ADARB2: variants seen among roughly 807,000 people sequenced by gnomAD.
The protein encoded by ADARB2 is adenosine deaminase RNA specific B2 (inactive).
A neutral mutation model predicts 62.2 loss-of-function variants in ADARB2; 25 were observed. The ratio of observed to expected loss-of-function variants is 0.40; its 90% CI spans 0.29 to 0.56. The LOEUF is 0.56. ADARB2 is among the 20% of genes least tolerant of loss of function. The probability of loss-of-function intolerance (pLI) is 0.43; values close to 1 mark genes in which losing one functional copy is unlikely to be tolerated. For synonymous variants in ADARB2, 572 were observed against 500.8 expected (o/e 1.14, Z -1.90); for missense variants, 1,071 against 1,077.4 (o/e 0.99, Z 0.08).
At chr10:1,639,869 AAAAC>A (rs146079232) in intron 1 of ADARB2, among the ~76,000 whole-genome samples, 68,774 of 148,846 alleles carry the variant, frequency 0.46, 16,420 homozygotes, top group Admixed American at 0.56. Flanking sequence ...AAAGCAAAAC[AAAAC>A]AAACAAACAA....
intron 1 of ADARB2, among the ~76,000 whole-genome samples, chr10:1,599,620 T>G (rs1172809227): frequency 6.6e-6 from 1 of 152,190 alleles, no homozygotes; most frequent in Non-Finnish European, 1.5e-5. Flanking sequence ...ACCCTCCCAG[T>G]TGGACTTTAA....
chr10:1,468,669 C>T (rs1831286446), intron 1 of ADARB2, among the ~76,000 whole-genome samples: 2 of 152,220 alleles, frequency 1.3e-5, no homozygotes. Context: ...CAGCAAGCAG[C>T]AGCGCTGTCC....
Position 1,415,613 on chromosome 10 carries a change from A to T in ADARB2, c.101-36453T>A, listed in dbSNP as rs139997006. ...GTATGTGTCATGAAATGATAATTTG[A>T]TTGGCTATTTCTTAGTCATTTCATC... On this transcript the variant is annotated intron_variant, in intron 1 of 9. Coordinates refer to ENST00000381312, the MANE Select transcript of ADARB2 (RefSeq NM_018702.4). Among the ~76,000 whole-genome samples, 26 of 152,358 alleles carry T rather than the reference A, an allele frequency of 1.7e-4. No individual in the cohort carries two copies. In the East Asian group the frequency reaches 3.9e-3, roughly 23 times the overall value.
intron 6 of ADARB2, among the ~76,000 whole-genome samples, chr10:1,224,616 G>A (rs1430263295): frequency 6.6e-6 from 1 of 152,100 alleles, no homozygotes; most frequent in Admixed American, 6.5e-5. Context: ...AGAGATTCTG[G>A]TATGTTGTGT....
chr10:1,695,714 A>G (rs1420394513), intron 1 of ADARB2, among the ~76,000 whole-genome samples: 2 of 152,172 alleles, frequency 1.3e-5, no homozygotes, highest in African/African-American at 2.4e-5. Flanking sequence ...ATGCAAACAT[A>G]CATGTATGTG....
intron 1 of ADARB2, among the ~76,000 whole-genome samples, chr10:1,508,032 C>T (rs953355087): frequency 6.6e-6 from 1 of 152,196 alleles, no homozygotes; most frequent in African/African-American, 2.4e-5. Context: ...GAAACCTCAC[C>T]TTTCTAAATC....
intron 4 of ADARB2, among the ~76,000 whole-genome samples, chr10:1,247,435 T>A (rs1012071031): frequency 2.6e-5 from 4 of 152,244 alleles, no homozygotes; most frequent in Admixed American, 2.6e-4. Flanking sequence ...CTTCCAGTTT[T>A]TGCCCATTCA....
chr10:1,393,761 G>A (rs969184958), intron 1 of ADARB2, among the ~76,000 whole-genome samples: 1 of 152,236 alleles, frequency 6.6e-6, no homozygotes, highest in Non-Finnish European at 1.5e-5. Flanking sequence ...CCTTCCAGAT[G>A]TGAGCGGTGG....
intron 1 of ADARB2, among the ~76,000 whole-genome samples, chr10:1,581,351 G>T (rs1000819041): frequency 4.6e-5 from 7 of 152,264 alleles, no homozygotes; most frequent in Non-Finnish European, 7.3e-5. Flanking sequence ...CTAGGAAGGT[G>T]CTGCCTCTGC....
chr10:1,341,012 C>G (rs910294002), intron 3 of ADARB2, among the ~76,000 whole-genome samples: 2 of 151,264 alleles, frequency 1.3e-5, no homozygotes, highest in Non-Finnish European at 2.9e-5. Context: ...GAACCCTGTG[C>G]CCCACATCGG....
intron 4 of ADARB2, among the ~76,000 whole-genome samples, chr10:1,256,765 C>T (rs1303658365): frequency 6.6e-6 from 1 of 152,140 alleles, no homozygotes; most frequent in Admixed American, 6.5e-5. Flanking sequence ...AGAATGACAA[C>T]AAACGCTTTG....
At chr10:1,703,614 A>G (rs1834852377) in intron 1 of ADARB2, among the ~76,000 whole-genome samples, 3 of 152,232 alleles carry the variant, frequency 2.0e-5, no homozygotes, top group Admixed American at 2.0e-4. Flanking sequence ...CAAATAGGAT[A>G]AAACAGATTA....
chr10:1,319,361 TC>T (rs754522670), intron 3 of ADARB2, among the ~76,000 whole-genome samples: 2 of 152,166 alleles, frequency 1.3e-5, no homozygotes, highest in East Asian at 3.8e-4. Context: ...TTACCAAACT[TC>T]CTGGGGGTGG....
At chr10:1,629,290 T>G (rs1833813673) in intron 1 of ADARB2, among the ~76,000 whole-genome samples, 1 of 152,104 alleles carries the variant, frequency 6.6e-6, no homozygotes, top group South Asian at 2.1e-4. Flanking sequence ...CAGTTTGCAG[T>G]TGGTAAAAAT....
intron 1 of ADARB2, among the ~76,000 whole-genome samples, chr10:1,736,761 C>T (rs1021207838): frequency 1.3e-5 from 2 of 152,218 alleles, no homozygotes; most frequent in Admixed American, 6.5e-5. Flanking sequence ...ACTGCGGGGC[C>T]CGGAGACGCG....
intron 1 of ADARB2, among the ~76,000 whole-genome samples, chr10:1,467,910 C>T (rs992312276): frequency 1.3e-5 from 2 of 152,258 alleles, no homozygotes; most frequent in South Asian, 4.2e-4. Context: ...ATTGAGGACC[C>T]GTAATTTACT....
At chr10:1,695,523 G>A (rs144157398) in intron 1 of ADARB2, among the ~76,000 whole-genome samples, 1 of 152,324 alleles carries the variant, frequency 6.6e-6, no homozygotes, top group Non-Finnish European at 1.5e-5. Context: ...TAGACGGTGA[G>A]AGTGCTATGG....
chr10:1,681,492 A>T (rs1184577376), intron 1 of ADARB2, among the ~76,000 whole-genome samples: 1 of 152,012 alleles, frequency 6.6e-6, no homozygotes, highest in Non-Finnish European at 1.5e-5. Context: ...TATTAAAAAA[A>T]AAAACCCTAA....
At chr10:1,499,583 C>A (rs1056110781) in intron 1 of ADARB2, among the ~76,000 whole-genome samples, 8 of 151,528 alleles carry the variant, frequency 5.3e-5, no homozygotes. Context: ...TCATTCATCA[C>A]CCACCACTCA....
Sources: gnomAD v4.1 joint callset for allele counts (sites outside exome capture counted in the v4.1 genomes callset) on GRCh38, gnomAD v4.1.1 for gene constraint, MANE v1.5 for transcripts, NCBI Gene and HGNC (gene_info 2026-07-23, HGNC 2026-07-21) for gene names.